Variants in SLC16A7 observed in about 807,000 individuals in gnomAD.
SLC16A7 encodes the protein solute carrier family 16 member 7, also known as monocarboxylate transporter 2.
Under a neutral mutation model 34.9 loss-of-function variants are expected in SLC16A7, and 33 were observed. The observed-to-expected ratio is 0.94, with a 90% confidence interval of 0.72 to 1.26. The LOEUF (loss-of-function observed/expected upper bound fraction) is 1.26, where lower values mean the gene tolerates loss of function less well. SLC16A7 is among the 50% of genes most tolerant of loss of function. The pLI, the probability that SLC16A7 is intolerant of heterozygous loss-of-function variation, is 0.00. For synonymous variants in SLC16A7, 201 were observed against 206.6 expected, an observed-to-expected ratio of 0.97 and a Z score of 0.23; for missense variants, 573 against 578.1, an observed-to-expected ratio of 0.99 and a Z score of 0.09.
intron 1 of SLC16A7, among the ~76,000 whole-genome samples, chr12:59,634,638 G>A (rs1054550266): frequency 6.6e-6 from 1 of 152,024 alleles, no homozygotes; most frequent in African/African-American, 2.4e-5. Flanking sequence ...CCAGGGCAAT[G>A]CTATATCAAA....
chr12:59,757,447 A>T (rs1372652375), intron 3 of SLC16A7, among the ~76,000 whole-genome samples: 1 of 152,156 alleles, frequency 6.6e-6, no homozygotes. Flanking sequence ...TTGACATTAG[A>T]TAATCTGACA....
In SLC16A7 at chr12:59,671,881, GTATATA is replaced by G. The variant is rs1565640734; in HGVS notation, c.-31+16633_-31+16638del. On this transcript the variant is annotated intron_variant, in intron 2 of 5. Coordinates refer to ENST00000547379, the MANE Select transcript of SLC16A7 (RefSeq NM_001270623.2). Reference sequence around the variant, plus strand: ...TGTATATGTATATATGTGTATATATGTATATATGTACATATGTATATATACATATAT... The same window carrying G: ...TGTATATGTATATATGTGTATATATGTGTACATATGTATATATACATATAT... Among the ~76,000 whole-genome samples, 12 of 98,366 alleles carry G rather than the reference GTATATA, an allele frequency of 1.2e-4. 1 individual carries two copies. The highest frequency in any genetic ancestry group is 3.7e-4 in the African/African-American group (10 of 27,258). 64.5% of individuals were successfully genotyped at this position (98,366 alleles called of 152,430 possible).
chr12:59,749,048 A>G (rs947052326), intron 3 of SLC16A7, among the ~76,000 whole-genome samples: 1 of 152,226 alleles, frequency 6.6e-6, no homozygotes, highest in Non-Finnish European at 1.5e-5. Context: ...AGAAGAAATG[A>G]CATCTGCCTG....
At chr12:59,770,235 A>G (rs1391252013) in intron 3 of SLC16A7, among the ~76,000 whole-genome samples, 1 of 152,176 alleles carries the variant, frequency 6.6e-6, no homozygotes, top group African/African-American at 2.4e-5. Flanking sequence ...TTGGTAAGGC[A>G]TTCCTAAACC....
At chr12:59,687,360 T>G (rs1436920539) in intron 2 of SLC16A7, among the ~76,000 whole-genome samples, 1 of 152,118 alleles carries the variant, frequency 6.6e-6, no homozygotes, top group Non-Finnish European at 1.5e-5. Flanking sequence ...CACCAACTCA[T>G]GCAAGCAGCA....
chr12:59,640,210 A>G (rs1282336329), intron 1 of SLC16A7, among the ~76,000 whole-genome samples: 1 of 152,142 alleles, frequency 6.6e-6, no homozygotes, highest in Non-Finnish European at 1.5e-5. Flanking sequence ...AAATGGTTGT[A>G]AGGAAACTCA....
At chr12:59,646,689 C>G (rs2137012437) in intron 1 of SLC16A7, among the ~76,000 whole-genome samples, 1 of 152,240 alleles carries the variant, frequency 6.6e-6, no homozygotes, top group Non-Finnish European at 1.5e-5. Context: ...GGTAGATCCA[C>G]CAACAGCTTG....
intron 2 of SLC16A7, among the ~76,000 whole-genome samples, chr12:59,660,957 G>A (rs911798294): frequency 2.0e-5 from 3 of 152,002 alleles, no homozygotes; most frequent in Non-Finnish European, 4.4e-5. Flanking sequence ...TTTACAAATG[G>A]CAGTAAAAAG....
At chr12:59,698,166 A>G (rs1346650162) in intron 2 of SLC16A7, among the ~76,000 whole-genome samples, 2 of 151,756 alleles carry the variant, frequency 1.3e-5, no homozygotes, top group Non-Finnish European at 3.0e-5. Context: ...ACAATAGCTT[A>G]TAATATTGAG....
chr12:59,762,246 G>T (rs994487483), intron 3 of SLC16A7, among the ~76,000 whole-genome samples: 1 of 152,076 alleles, frequency 6.6e-6, no homozygotes, highest in African/African-American at 2.4e-5. Context: ...GCAATGGGAT[G>T]AATATGGAGC....
At chr12:59,607,546 G>GTGGA (rs1879001831) in intron 1 of SLC16A7, among the ~76,000 whole-genome samples, 1 of 152,120 alleles carries the variant, frequency 6.6e-6, no homozygotes, top group Admixed American at 6.6e-5. Context: ...TATAATCCAT[G>GTGGA]TGGAAAATCA....
chr12:59,771,400 T>C, intron 4 of SLC16A7, 38 bp downstream of exon 4: 2 of 1,421,418 alleles, frequency 1.4e-6, no homozygotes, highest in Non-Finnish European at 1.9e-6. Context: ...TTAACTCTTC[T>C]GTTATTTTCA....
chr12:59,613,640 G>C (rs990492745), intron 1 of SLC16A7, among the ~76,000 whole-genome samples: 11 of 152,078 alleles, frequency 7.2e-5, no homozygotes, highest in Admixed American at 2.6e-4. Flanking sequence ...AGGAAGTGTG[G>C]GAAGACTATC....
intron 1 of SLC16A7, among the ~76,000 whole-genome samples, chr12:59,625,113 A>G (rs1879871321): frequency 6.6e-6 from 1 of 151,790 alleles, no homozygotes; most frequent in Non-Finnish European, 1.5e-5. Flanking sequence ...AAGGATTTTT[A>G]TATTACAAAG....
intron 1 of SLC16A7, among the ~76,000 whole-genome samples, chr12:59,601,446 G>A (rs1418468628): frequency 6.6e-6 from 1 of 152,146 alleles, no homozygotes; most frequent in East Asian, 1.9e-4. Flanking sequence ...AGGATTTGAA[G>A]TTCCATCAGT....
intron 3 of SLC16A7, among the ~76,000 whole-genome samples, chr12:59,756,218 C>T (rs1195794140): frequency 6.7e-6 from 1 of 148,458 alleles, no homozygotes; most frequent in Non-Finnish European, 1.5e-5. Flanking sequence ...ATGTCTAAAA[C>T]ACCAAAGCAA....
chr12:59,712,007 T>G (rs1247660122), intron 3 of SLC16A7, among the ~76,000 whole-genome samples: 2 of 152,252 alleles, frequency 1.3e-5, no homozygotes, highest in African/African-American at 4.8e-5. Context: ...ATTTGCCATT[T>G]TACCTTGGAC....
intron 2 of SLC16A7, among the ~76,000 whole-genome samples, chr12:59,699,088 C>A (rs1053398945): frequency 1.3e-5 from 2 of 151,534 alleles, no homozygotes; most frequent in African/African-American, 4.8e-5. Flanking sequence ...GCATGTTTTT[C>A]TTTACGTATT....
At chr12:59,627,014 C>T (rs911735687) in intron 1 of SLC16A7, among the ~76,000 whole-genome samples, 2 of 151,788 alleles carry the variant, frequency 1.3e-5, no homozygotes, top group Admixed American at 6.6e-5. Flanking sequence ...AGTACTCGAC[C>T]TTTAAATGCA....
Sources: gnomAD v4.1 joint callset for allele counts (sites outside exome capture counted in the v4.1 genomes callset) on GRCh38, gnomAD v4.1.1 for gene constraint, MANE v1.5 for transcripts, NCBI Gene and HGNC (gene_info 2026-07-23, HGNC 2026-07-21) for gene names.